The following SEC24B variants were observed in gnomAD, a reference collection of about 807,000 sequenced individuals.
SEC24B encodes protein transport protein Sec24B.
Under a neutral mutation model 142.8 loss-of-function variants are expected in SEC24B, and 45 were observed. The observed-to-expected ratio is 0.32, with a 90% CI of 0.25 to 0.40. The LOEUF (loss-of-function observed/expected upper bound fraction) is 0.40, where lower values mean the gene tolerates loss of function less well. Ranked by LOEUF, SEC24B falls within the 10% of genes least tolerant of loss-of-function variation. The pLI is 1.00. For missense variants in SEC24B, 1,409 were observed against 1,526.8 expected, an observed-to-expected ratio of 0.92 and a Z score of 1.29; for synonymous variants, 574 against 568.2, an observed-to-expected ratio of 1.01 and a Z score of -0.15.
intron 3 of SEC24B, 118 bp from the exon 4 acceptor site, chr4:109,481,559 A>G (rs1733739217): frequency 5.9e-6 from 4 of 673,146 alleles, no homozygotes; most frequent in Non-Finnish European, 7.8e-6. Context: ...ATTAATATGC[A>G]TGTTGGGATG....
chr4:109,438,644 TGATGTTTGAGAAGAAAG>T (rs1276265111), intron 1 of SEC24B, among the ~76,000 whole-genome samples: 3 of 152,198 alleles, frequency 2.0e-5, no homozygotes, highest in Non-Finnish European at 4.4e-5. Flanking sequence ...TTAGAAACTT[TGATGTTTGAGAAGAAAG>T]GAATAGAGAG....
At chr4:109,534,619 C>A (rs1229952653) in intron 22 of SEC24B, among the ~76,000 whole-genome samples, 2 of 151,996 alleles carry the variant, frequency 1.3e-5, no homozygotes, top group Non-Finnish European at 2.9e-5. Context: ...TGGGTAAGGC[C>A]TTTGTGTGTG....
In SEC24B at chr4:109,433,854, C is replaced by CGCCACCAGCGCCGTCATGTCG. The variant is rs1728094314; in HGVS notation, c.-12_9dup. The CGCCACCAGCGCCGTCATGTCG allele has an allele frequency of 1.5e-6, 2 of 1,304,016 alleles. No individual in the cohort carries two copies. Among genetic ancestry groups the CGCCACCAGCGCCGTCATGTCG allele is most frequent in the Non-Finnish European group, 2.0e-6 (2 of 1,024,152 alleles). 80.8% of individuals were successfully genotyped at this position (1,304,016 alleles called of 1,614,324 possible). A position where few individuals can be genotyped will look rare whatever the true frequency, so the allele number is the denominator to read the frequency against. On this transcript the variant is annotated 5_prime_UTR_variant, in exon 1 of 24. The change creates a new upstream start codon in the 5' untranslated region. Transcript: ENST00000265175. ...CACCTCCCTGAAGCGGAGCCGCCGTCGCCACCAGCGCCGTCATGTCGGCCC... is the reference window on the plus strand; with the variant it reads ...CACCTCCCTGAAGCGGAGCCGCCGTCGCCACCAGCGCCGTCATGTCGGCCACCAGCGCCGTCATGTCGGCCC...
At chr4:109,510,263 A>T (rs1663865375) in intron 8 of SEC24B, 152 bp downstream of exon 8, 1 of 448,228 alleles carries the variant, frequency 2.2e-6, no homozygotes, top group Non-Finnish European at 3.9e-6. Context: ...ACATTTTTTG[A>T]ACACCTGCTT....
intron 23 of SEC24B, 136 bp from the exon 24 acceptor site, chr4:109,539,425 A>G (rs1001387401): frequency 3.2e-5 from 21 of 647,482 alleles, no homozygotes; most frequent in South Asian, 1.4e-4. Flanking sequence ...AATATATACT[A>G]TTTTTAGAAA....
At chr4:109,527,511 G>A (rs1054792638) in intron 18 of SEC24B, 79 bp downstream of exon 18, 29 of 1,019,114 alleles carry the variant, frequency 2.8e-5, no homozygotes, top group South Asian at 9.8e-5. Flanking sequence ...CAGTGCGTCC[G>A]CCTGTAATCC....
intron 11 of SEC24B, among the ~76,000 whole-genome samples, chr4:109,519,846 T>G (rs1364126128): frequency 1.3e-5 from 2 of 152,208 alleles, no homozygotes; most frequent in Non-Finnish European, 2.9e-5. Flanking sequence ...AACAATAAAT[T>G]ACATAACTGA....
chr4:109,461,847 G>A (rs1420641802), intron 1 of SEC24B, among the ~76,000 whole-genome samples: 1 of 152,176 alleles, frequency 6.6e-6, no homozygotes, highest in East Asian at 1.9e-4. Context: ...AGTGGCTCAT[G>A]CCTATAATCC....
In SEC24B at chr4:109,502,567, A is replaced by G. The variant is rs1469979799; in HGVS notation, c.1489-3761A>G. ...TGGATGTGGTGGGTGAGAGAAAGGA[A>G]GGTGTCAAGAGTAACTCCTAGGTTT... On this transcript the variant is annotated intron_variant, in intron 6 of 23. Transcript: ENST00000265175. Among the ~76,000 whole-genome samples, 3 of 152,176 alleles carry G rather than the reference A, an allele frequency of 2.0e-5. No homozygotes were observed. The East Asian group carries it at 5.8e-4, about 29-fold the overall frequency.
intron 1 of SEC24B, among the ~76,000 whole-genome samples, chr4:109,442,001 A>G (rs1163122897): frequency 6.6e-6 from 1 of 152,192 alleles, no homozygotes; most frequent in Non-Finnish European, 1.5e-5. Context: ...ATGATAACCT[A>G]GGATATCCAG....
At chr4:109,511,899 G>C (rs569644212) in intron 8 of SEC24B, 58 bp from the exon 9 acceptor site, 6 of 1,567,732 alleles carry the variant, frequency 3.8e-6, no homozygotes, top group Non-Finnish European at 5.2e-6. Flanking sequence ...ATCTGTGTAC[G>C]TTCTGTTTTT....
At chr4:109,461,807 A>C (rs566202763) in intron 1 of SEC24B, among the ~76,000 whole-genome samples, 1 of 152,312 alleles carries the variant, frequency 6.6e-6, no homozygotes, top group Non-Finnish European at 1.5e-5. Flanking sequence ...AGGAAAAATA[A>C]AAACTGAGAA....
chr4:109,484,721 G>T (rs995623198), intron 4 of SEC24B, among the ~76,000 whole-genome samples: 7 of 151,818 alleles, frequency 4.6e-5, no homozygotes, highest in Admixed American at 3.3e-4. Flanking sequence ...GTGTGGTGGC[G>T]CACACCCATA....
At chr4:109,505,111 C>T (rs562361223) in intron 6 of SEC24B, among the ~76,000 whole-genome samples, 1 of 151,880 alleles carries the variant, frequency 6.6e-6, no homozygotes, top group Middle Eastern at 3.4e-3. Context: ...TCTCTGAATA[C>T]CTTATTGTAT....
At chr4:109,529,930 C>CA (rs1433928144) in intron 18 of SEC24B, among the ~76,000 whole-genome samples, 1 of 152,132 alleles carries the variant, frequency 6.6e-6, no homozygotes, top group African/African-American at 2.4e-5. Flanking sequence ...GACAAGGTCT[C>CA]ACTATGTTGC....
In SEC24B at chr4:109,440,107, C is replaced by T. The variant is rs536241788; in HGVS notation, c.133+6105C>T. On this transcript the variant is annotated intron_variant, in intron 1 of 23. Coordinates refer to ENST00000265175, the MANE Select transcript of SEC24B (RefSeq NM_006323.5). ...TGCACTCCAGCCTGGGGGACAAGAG[C>T]GAGACTTCGTCGCAAAAAAAAAAAA... Among the ~76,000 whole-genome samples the T allele has an allele frequency of 8.1e-5, 12 of 148,270 alleles. No individual in the cohort carries two copies. The East Asian group carries it at 1.8e-3, about 22-fold the overall frequency.
Position 109,531,404 on chromosome 4 carries a change from C to A in SEC24B, c.3272C>A (p.Thr1091Lys). The A allele has an allele frequency of 6.2e-7, 1 of 1,612,772 alleles. No individual in the cohort carries two copies. The highest frequency in any genetic ancestry group is 8.5e-7 in the Non-Finnish European group (1 of 1,179,112). The change falls in exon 20 of 24, where the codon ACA (threonine) becomes AAA (lysine). Residue 1091 changes from threonine to lysine, a missense_variant. Thr to Lys is a moderately conservative substitution (Grantham distance 78). Coordinates refer to ENST00000265175, the MANE Select transcript of SEC24B (RefSeq NM_006323.5). The stretch of plus-strand genomic sequence containing the variant: ...TTGTAGAAAGCATTTAGAACGGGTA[C>A]AAGCACACGGCTGGATGATCGTGTA... ...LLKQKAFRTG[T>K]STRLDDRVYA...
intron 6 of SEC24B, among the ~76,000 whole-genome samples, chr4:109,502,384 A>G (rs1386516898): frequency 6.6e-6 from 1 of 152,264 alleles, no homozygotes; most frequent in Non-Finnish European, 1.5e-5. Flanking sequence ...GGAATGGATT[A>G]GAGATAGGAG....
intron 20 of SEC24B, 60 bp from the exon 21 acceptor site, chr4:109,532,579 G>A (rs913142681): frequency 8.7e-6 from 11 of 1,268,518 alleles, no homozygotes; most frequent in Non-Finnish European, 1.1e-5. Flanking sequence ...GTGACCATTA[G>A]CTCCCAAACT....
Sources: gnomAD v4.1 joint callset for allele counts (sites outside exome capture counted in the v4.1 genomes callset) on GRCh38, gnomAD v4.1.1 for gene constraint, MANE v1.5 for transcripts, NCBI Gene and HGNC (gene_info 2026-07-23, HGNC 2026-07-21) for gene names.